The following SMAD9 variants were observed in gnomAD, a reference collection of about 807,000 sequenced individuals.
The protein encoded by SMAD9 is SMAD family member 9, also known as MAD homolog 9.
In SMAD9, 36 loss-of-function variants were observed where a neutral mutation model predicts 46.1. The observed-to-expected ratio is 0.78, with a 90% CI of 0.60 to 1.03. The LOEUF (loss-of-function observed/expected upper bound fraction) is 1.03, where lower values mean the gene tolerates loss of function less well. Ranked by LOEUF, SMAD9 falls within the 50% of genes least tolerant of loss-of-function variation. The probability of loss-of-function intolerance (pLI) is 0.00; values close to 1 mark genes in which losing one functional copy is unlikely to be tolerated. For missense variants in SMAD9, 572 were observed against 599.8 expected (o/e 0.95, Z 0.48); for synonymous variants, 245 against 237.1 (o/e 1.03, Z -0.31).
At chr13:36,861,734 G>A (rs974525988) in intron 5 of SMAD9, among the ~76,000 whole-genome samples, 3 of 150,888 alleles carry the variant, frequency 2.0e-5, no homozygotes, top group African/African-American at 7.3e-5. Flanking sequence ...TTCGAGACCA[G>A]CCTGGCCAAC....
chr13:36,912,086 G>C (rs894910780), intron 1 of SMAD9, among the ~76,000 whole-genome samples: 1 of 152,196 alleles, frequency 6.6e-6, no homozygotes. Context: ...GCTAGGAGTT[G>C]TGGCCATTTA....
intron 1 of SMAD9, among the ~76,000 whole-genome samples, chr13:36,883,444 AC>A (rs1402312011): frequency 6.6e-6 from 1 of 152,252 alleles, no homozygotes; most frequent in African/African-American, 2.4e-5. Flanking sequence ...GATTTAAATC[AC>A]AGTTAAAAAT....
At chr13:36,909,915 C>T (rs147556200) in intron 1 of SMAD9, among the ~76,000 whole-genome samples, 1 of 152,104 alleles carries the variant, frequency 6.6e-6, no homozygotes, top group Non-Finnish European at 1.5e-5. Context: ...TAAAAACAAC[C>T]GGCTGGGCGC....
intron 3 of SMAD9, among the ~76,000 whole-genome samples, chr13:36,869,465 G>A (rs573298789): frequency 2.2e-4 from 34 of 151,940 alleles, no homozygotes; most frequent in Non-Finnish European, 4.1e-4. Flanking sequence ...CAAGTGATCC[G>A]CCTGCCTAAG....
At chr13:36,850,811 G>A (rs1477278805) in intron 6 of SMAD9, among the ~76,000 whole-genome samples, 1 of 152,018 alleles carries the variant, frequency 6.6e-6, no homozygotes, top group Non-Finnish European at 1.5e-5. Context: ...CTCTTATATC[G>A]AACTGGCTAC....
intron 5 of SMAD9, among the ~76,000 whole-genome samples, chr13:36,856,798 C>CTTTTTTT (rs34107763): frequency 8.1e-6 from 1 of 123,408 alleles, no homozygotes; most frequent in African/African-American, 3.3e-5. Flanking sequence ...GTGACCTGCA[C>CTTTTTTT]TTTTTTTTTT....
At chr13:36,871,891 G>C (rs1357199057) in intron 3 of SMAD9, among the ~76,000 whole-genome samples, 1 of 152,138 alleles carries the variant, frequency 6.6e-6, no homozygotes, top group Non-Finnish European at 1.5e-5. Flanking sequence ...AATGATTATA[G>C]GAATAAATGA....
Position 36,888,220 on chromosome 13 carries a change from G to C in SMAD9, c.-186-8345C>G, listed in dbSNP as rs137866382. Among the ~76,000 whole-genome samples the C allele has an allele frequency of 1.4e-3, 214 of 152,310 alleles. 1 individual carries two copies. Among genetic ancestry groups the C allele is most frequent in the African/African-American group, 5.1e-3 (210 of 41,574 alleles). On this transcript the variant is annotated intron_variant, in intron 1 of 6. Coordinates refer to ENST00000379826, the MANE Select transcript of SMAD9 (RefSeq NM_001127217.3). ...CCACTTGTCGAGGGAGGGATCTGGT[G>C]GGAGGTGATTAGATCATGGGGGAAG...
Position 36,891,239 on chromosome 13 carries a change from A to G in SMAD9, c.-186-11364T>C, listed in dbSNP as rs1484094951. The stretch of plus-strand genomic sequence containing the variant: ...CCTTTAAAACCTCCTTGCGGAAGCT[A>G]TCCTGATATACTTCTCAACACTTTC... On this transcript the variant is annotated intron_variant, in intron 1 of 6. Transcript: ENST00000379826. Among the ~76,000 whole-genome samples the G allele has an allele frequency of 2.0e-5, 3 of 152,020 alleles. No individual in the cohort carries two copies. In the East Asian group the frequency reaches 5.8e-4, roughly 29 times the overall value.
chr13:36,882,254 TGTG>T (rs2058410526), intron 1 of SMAD9, among the ~76,000 whole-genome samples: 2 of 144,052 alleles, frequency 1.4e-5, no homozygotes, highest in Admixed American at 1.3e-4. Context: ...TGTGTGTGTG[TGTG>T]TGTATGTGTG....
At chr13:36,894,794 T>G (rs537874685) in intron 1 of SMAD9, among the ~76,000 whole-genome samples, 2 of 152,172 alleles carry the variant, frequency 1.3e-5, no homozygotes, top group Non-Finnish European at 1.5e-5. Context: ...CCCTGGAGCC[T>G]GTGGTTCCTT....
rs186524267 is a variant in SMAD9 at position 36,876,931 on chromosome 13, C to T, written c.412+2347G>A. Among the ~76,000 whole-genome samples the T allele has an allele frequency of 4.6e-5, 7 of 152,124 alleles. No individual in the cohort carries two copies. The East Asian group carries it at 1.2e-3, about 25-fold the overall frequency. The stretch of plus-strand genomic sequence containing the variant: ...ACACAAGTAAGAAAAACCTCTGTAA[C>T]TTAAATATTACCTTAAATTAATATA... On this transcript the variant is annotated intron_variant, in intron 2 of 6. Transcript: ENST00000379826.
At chr13:36,907,075 C>T (rs1326230959) in intron 1 of SMAD9, among the ~76,000 whole-genome samples, 1 of 152,130 alleles carries the variant, frequency 6.6e-6, no homozygotes, top group Admixed American at 6.5e-5. Context: ...GAAATTTTGA[C>T]ACTTGCTACA....
At chr13:36,896,721 T>A (rs1312289224) in intron 1 of SMAD9, among the ~76,000 whole-genome samples, 1 of 151,984 alleles carries the variant, frequency 6.6e-6, no homozygotes, top group Non-Finnish European at 1.5e-5. Flanking sequence ...AAATAACCAC[T>A]GTTTATCCAC....
intron 6 of SMAD9, among the ~76,000 whole-genome samples, chr13:36,849,097 G>T (rs1427284273): frequency 6.6e-6 from 1 of 152,166 alleles, no homozygotes; most frequent in Non-Finnish European, 1.5e-5. Context: ...GGGAAGCACT[G>T]AAAAATCATT....
At chr13:36,895,718 A>AT (rs1404697210) in intron 1 of SMAD9, among the ~76,000 whole-genome samples, 1 of 152,220 alleles carries the variant, frequency 6.6e-6, no homozygotes, top group Non-Finnish European at 1.5e-5. Context: ...CTGCACACAG[A>AT]TTAAGTTTTG....
chr13:36,879,526 A>G lies in SMAD9; in HGVS notation c.164T>C (p.Leu55Pro). 1.9e-6 allele frequency: 3 copies of G among 1,614,170 alleles called. No homozygotes were observed. The highest frequency in any genetic ancestry group is 2.5e-6 in the Non-Finnish European group (3 of 1,180,014). The change falls in exon 2 of 7, where the codon CTG (leucine) becomes CCG (proline). Residue 55 changes from leucine to proline, a missense_variant. Coordinates refer to ENST00000379826, the MANE Select transcript of SMAD9 (RefSeq NM_001127217.3). ...CCCCGGGCAGCTGAGAGCCCTCTCCAGCTCGTCCATGGCTCCCTTCTTCTT... is the reference window on the plus strand; with the variant it reads ...CCCCGGGCAGCTGAGAGCCCTCTCCGGCTCGTCCATGGCTCCCTTCTTCTT... Reference protein sequence around the residue: ...LKKKKGAMDELERALSCPGQP... With the variant: ...LKKKKGAMDEPERALSCPGQP...
chr13:36,867,042 G>C (rs1411525508), intron 4 of SMAD9, among the ~76,000 whole-genome samples: 1 of 152,128 alleles, frequency 6.6e-6, no homozygotes, highest in Non-Finnish European at 1.5e-5. Flanking sequence ...TAAATGCTGA[G>C]TTAAAATAAA....
chr13:36,898,684 G>GA (rs1001591221), intron 1 of SMAD9, among the ~76,000 whole-genome samples: 12 of 151,972 alleles, frequency 7.9e-5, no homozygotes, highest in Admixed American at 1.3e-4. Flanking sequence ...AATAGATGCA[G>GA]AAAAAAACAT....
Sources: gnomAD v4.1 joint callset for allele counts (sites outside exome capture counted in the v4.1 genomes callset) on GRCh38, gnomAD v4.1.1 for gene constraint, MANE v1.5 for transcripts, NCBI Gene and HGNC (gene_info 2026-07-23, HGNC 2026-07-21) for gene names.